SPDYA: variants seen among roughly 807,000 people sequenced by gnomAD.
SPDYA encodes the protein speedy/RINGO cell cycle regulator family member A, also known as speedy protein A.
In SPDYA, 11 loss-of-function variants were observed where a neutral mutation model predicts 36.7. The observed-to-expected ratio is 0.30, with a 90% CI of 0.19 to 0.50. The LOEUF (loss-of-function observed/expected upper bound fraction) is 0.50. Ranked by LOEUF, SPDYA falls within the 20% of genes least tolerant of loss-of-function variation. The probability of loss-of-function intolerance (pLI) is 0.98; values close to 1 mark genes in which losing one functional copy is unlikely to be tolerated. For synonymous variants in SPDYA, 115 were observed against 118.7 expected (o/e 0.97, Z 0.20); for missense variants, 287 against 370.9 (o/e 0.77, Z 1.86).
At chr2:28,826,694 G>A (rs562047317) in intron 5 of SPDYA, among the ~76,000 whole-genome samples, 3 of 119,374 alleles carry the variant, frequency 2.5e-5, no homozygotes, top group Non-Finnish European at 4.9e-5. Context: ...AGCTCACTGC[G>A]ATCTCCACCT....
At chr2:28,815,283 AACACACACACACACACAC>A (rs55773017) in intron 2 of SPDYA, among the ~76,000 whole-genome samples, 25 of 136,926 alleles carry the variant, frequency 1.8e-4, no homozygotes, top group East Asian at 1.7e-3. Flanking sequence ...CCCTGTCTGA[AACACACACACACACACAC>A]ACACACACAC....
In SPDYA at chr2:28,840,158, GCTTT is replaced by G; in HGVS notation, c.553-11_553-8del. 1 of 1,597,322 alleles carries G rather than the reference GCTTT, an allele frequency of 6.3e-7. No individual in the cohort carries two copies. Among genetic ancestry groups the G allele is most frequent in the East Asian group, 2.2e-5 (1 of 44,670 alleles). On this transcript the variant is annotated splice_polypyrimidine_tract_variant and intron_variant, in intron 6 of 7. Transcript: ENST00000334056. ...AATATTACTAAAATTCTAAAAGTTA[GCTTT>G]CTATTATAGGTTATGGCCATTGCAC... is the stretch of plus-strand genomic sequence containing the variant.
chr2:28,822,884 G>A (rs1352716412), intron 5 of SPDYA, among the ~76,000 whole-genome samples: 1 of 152,180 alleles, frequency 6.6e-6, no homozygotes, highest in Non-Finnish European at 1.5e-5. Flanking sequence ...GGGATTACAG[G>A]TGTGAGCCAC....
At chr2:28,816,465 A>C (rs1572488136) in intron 3 of SPDYA, among the ~76,000 whole-genome samples, 1 of 152,038 alleles carries the variant, frequency 6.6e-6, no homozygotes, top group East Asian at 1.9e-4. Flanking sequence ...ATTCATACTC[A>C]TCTAGCTTCT....
At chr2:28,845,159 C>T (rs147441981) in intron 7 of SPDYA, among the ~76,000 whole-genome samples, 71 of 152,018 alleles carry the variant, frequency 4.7e-4, no homozygotes, top group African/African-American at 1.5e-3. Context: ...GATCACAGCT[C>T]ACTGTAGCCT....
chr2:28,815,625 T>C (rs1667966103), intron 2 of SPDYA, among the ~76,000 whole-genome samples: 1 of 151,974 alleles, frequency 6.6e-6, no homozygotes, highest in Non-Finnish European at 1.5e-5. Context: ...ATAATAAAAT[T>C]ATGTCAATTC....
chr2:28,840,622 G>C, intron 7 of SPDYA, 153 bp downstream of exon 7: 3 of 1,402,516 alleles, frequency 2.1e-6, no homozygotes, highest in South Asian at 1.6e-5. Context: ...GTTACTTTTT[G>C]TCTTGTGTCC....
intron 7 of SPDYA, 158 bp downstream of exon 7, chr2:28,840,627 G>T (rs145059591): frequency 3.6e-5 from 51 of 1,400,012 alleles, no homozygotes; most frequent in Non-Finnish European, 4.7e-5. Flanking sequence ...TTTTTGTCTT[G>T]TGTCCATATT....
At chr2:28,840,880 C>A (rs950997375) in intron 7 of SPDYA, 6 of 548,718 alleles carry the variant, frequency 1.1e-5, no homozygotes, top group African/African-American at 4.1e-5. Flanking sequence ...CTGCTTTTTT[C>A]ATTTATCACG....
chr2:28,847,299 T>C (rs916111019), intron 7 of SPDYA, among the ~76,000 whole-genome samples: 12 of 152,040 alleles, frequency 7.9e-5, no homozygotes, highest in Non-Finnish European at 1.5e-4. Context: ...GCCAAGACCA[T>C]GCCATTGCAC....
At chr2:28,815,132 A>G (rs1264140317) in intron 2 of SPDYA, among the ~76,000 whole-genome samples, 3 of 152,116 alleles carry the variant, frequency 2.0e-5, no homozygotes, top group East Asian at 3.9e-4. Context: ...AATTTAAAAA[A>G]TAAGCCAGAT....
At chr2:28,837,971 A>AC (rs140642549) in intron 6 of SPDYA, among the ~76,000 whole-genome samples, 3,955 of 151,538 alleles carry the variant, frequency 0.026, 155 homozygotes, top group African/African-American at 0.082. Flanking sequence ...GACCCAAGGC[A>AC]CCCCCCAATC....
Position 28,840,380 on chromosome 2 carries a change from G to A in SPDYA, c.761G>A (p.Gly254Glu), listed in dbSNP as rs1558331179. 1 of 1,612,026 alleles carries A rather than the reference G, an allele frequency of 6.2e-7. No individual in the cohort carries two copies. Among genetic ancestry groups the A allele is most frequent in the East Asian group, 2.2e-5 (1 of 44,868 alleles). ...TCATCTTTATCCAGTCATACAGCAG[G>A]GGTGACAGAAAAACATTCTCAGGAC... ...SSSSLSSHTAGVTEKHSQDSY... is the reference protein window; with the variant it reads ...SSSSLSSHTAEVTEKHSQDSY... Residue 254 changes from glycine to glutamate, a missense_variant, in exon 7 of 8, where the codon GGG becomes GAG. Coordinates refer to ENST00000334056, the MANE Select transcript of SPDYA (RefSeq NM_182756.4).
At chr2:28,831,044 C>G (rs1668468566) in intron 6 of SPDYA, among the ~76,000 whole-genome samples, 1 of 152,006 alleles carries the variant, frequency 6.6e-6, no homozygotes. Context: ...ATACCAGAAA[C>G]TATATTATTT....
In SPDYA at chr2:28,840,283, A is replaced by G. The variant is rs1285661163; in HGVS notation, c.664A>G (p.Ser222Gly). ...TGAAGTTCAGCTGCCCCGGGGACCT[A>G]GTGCCACACCAGTAGATTGTTCACT... is the stretch of plus-strand genomic sequence containing the variant. ...RDEVQLPRGP[S>G]ATPVDCSLCG... Residue 222 changes from serine (S) to glycine (G), a missense_variant, in exon 7 of 8, where the codon AGT (serine) becomes GGT (glycine). Ser to Gly is a moderately conservative substitution (Grantham distance 56). Coordinates refer to ENST00000334056, the MANE Select transcript of SPDYA (RefSeq NM_182756.4). 2 of 1,613,744 alleles carry G rather than the reference A, an allele frequency of 1.2e-6. No individual in the cohort carries two copies. Among genetic ancestry groups the G allele is most frequent in the Non-Finnish European group, 1.7e-6 (2 of 1,179,892 alleles).
intron 6 of SPDYA, among the ~76,000 whole-genome samples, chr2:28,829,846 A>G (rs1388869909): frequency 6.7e-6 from 1 of 148,274 alleles, no homozygotes; most frequent in Non-Finnish European, 1.5e-5. Context: ...TGGGAGGCTG[A>G]GGCAGGAGAA....
chr2:28,819,474 T>C, intron 4 of SPDYA, among the ~76,000 whole-genome samples: 1 of 151,988 alleles, frequency 6.6e-6, no homozygotes, highest in Non-Finnish European at 1.5e-5. Flanking sequence ...TGCCACTGCA[T>C]TCCAGCTTGG....
At chr2:28,842,545 T>A (rs1165723461) in intron 7 of SPDYA, among the ~76,000 whole-genome samples, 2 of 151,808 alleles carry the variant, frequency 1.3e-5, no homozygotes, top group African/African-American at 4.8e-5. Context: ...CTTAGGGGAG[T>A]TGTAGAAGGA....
intron 2 of SPDYA, among the ~76,000 whole-genome samples, chr2:28,815,299 C>CACAT (rs1667958297): frequency 6.8e-6 from 1 of 148,146 alleles, no homozygotes; most frequent in African/African-American, 2.5e-5. Flanking sequence ...CACACACACA[C>CACAT]ACACACACAC....
Sources: gnomAD v4.1 joint callset for allele counts (sites outside exome capture counted in the v4.1 genomes callset) on GRCh38, gnomAD v4.1.1 for gene constraint, MANE v1.5 for transcripts, NCBI Gene and HGNC (gene_info 2026-07-23, HGNC 2026-07-21) for gene names.